PLPP3: variants seen among roughly 807,000 people sequenced by gnomAD.
PLPP3 encodes PAP2 beta.
In PLPP3, 6 loss-of-function variants were observed where a neutral mutation model predicts 29.6. The ratio of observed to expected loss-of-function variants is 0.20; its 90% CI spans 0.11 to 0.40. The LOEUF (loss-of-function observed/expected upper bound fraction) is 0.40, where lower values mean the gene tolerates loss of function less well. Among genes scored for constraint, PLPP3 ranks in the 10% least tolerant of loss-of-function variants. The pLI is 1.00. For missense variants in PLPP3, 308 were observed against 407.7 expected, an observed-to-expected ratio of 0.76 and a Z score of 2.11; for synonymous variants, 152 against 159.7, an observed-to-expected ratio of 0.95 and a Z score of 0.36.
At chr1:56,575,878 C>T (rs1217130236) in intron 1 of PLPP3, among the ~76,000 whole-genome samples, 2 of 152,112 alleles carry the variant, frequency 1.3e-5, no homozygotes, top group South Asian at 4.1e-4. Flanking sequence ...CTCCTGTAAC[C>T]CCATACACCA....
chr1:56,556,741 T>C (rs1226861228), intron 1 of PLPP3, among the ~76,000 whole-genome samples: 2 of 151,336 alleles, frequency 1.3e-5, no homozygotes, highest in African/African-American at 2.4e-5. Context: ...TAGGTGAATG[T>C]AGTGTGAAGT....
At chr1:56,544,800 A>T (rs1245526563) in intron 1 of PLPP3, among the ~76,000 whole-genome samples, 3 of 152,224 alleles carry the variant, frequency 2.0e-5, no homozygotes, top group Non-Finnish European at 2.9e-5. Flanking sequence ...GAAAGTGGAC[A>T]AGGGCAGAAA....
At position 56,523,862 on chromosome 1, in the gene PLPP3, G is replaced by T; in HGVS notation, c.594C>A (p.Gly198=). The change falls in exon 4 of 6, where the codon GGC becomes GGA. Residue 198 remains glycine, a synonymous_variant. Transcript: ENST00000371250. ...VQEARKSFFS[G]HASFSMYTML... ...TAGTGTACATGGAGAAGGAGGCATG[G>T]CCAGAGAAGAAGGACTTCCTGCAAG... 6.2e-7 allele frequency: 1 copy of T among 1,613,744 alleles called. No individual in the cohort carries two copies.
At chr1:56,562,668 C>T (rs1225994768) in intron 1 of PLPP3, among the ~76,000 whole-genome samples, 1 of 152,172 alleles carries the variant, frequency 6.6e-6, no homozygotes, top group South Asian at 2.1e-4. Flanking sequence ...AAAACATTTG[C>T]CCAAGGTCAC....
intron 5 of PLPP3, 38 bp from the exon 6 acceptor site, chr1:56,496,714 C>T (rs1483338314): frequency 4.3e-6 from 7 of 1,609,792 alleles, no homozygotes; most frequent in Admixed American, 1.7e-5. Context: ...CAGTAACTGA[C>T]ATCGGGGGTC....
At chr1:56,530,517 G>T (rs566219724) in intron 2 of PLPP3, among the ~76,000 whole-genome samples, 2 of 152,326 alleles carry the variant, frequency 1.3e-5, no homozygotes, top group East Asian at 3.9e-4. Context: ...TTCTGCTCAA[G>T]ATGCCACCAA....
At position 56,578,763 on chromosome 1, in the gene PLPP3, C is replaced by G; in HGVS notation, c.139+115G>C. On this transcript the variant is annotated intron_variant, in intron 1 of 5. Transcript: ENST00000371250. Reference sequence around the variant, plus strand: ...AGGCTCCCCAGGAAGGCTGCGGGGGCCCCCCGGAGCTGACGGCGCGGCGCG... The same window carrying G: ...AGGCTCCCCAGGAAGGCTGCGGGGGGCCCCCGGAGCTGACGGCGCGGCGCG... 7 of 1,125,338 alleles carry G rather than the reference C, an allele frequency of 6.2e-6. No homozygotes were observed. The East Asian group carries it at 1.1e-4, about 18-fold the overall frequency. 69.7% of individuals were successfully genotyped at this position (1,125,338 alleles called of 1,614,324 possible). A position where few individuals can be genotyped will look rare whatever the true frequency, so the allele number is the denominator to read the frequency against.
At chr1:56,576,129 T>C (rs542970607) in intron 1 of PLPP3, among the ~76,000 whole-genome samples, 4 of 152,246 alleles carry the variant, frequency 2.6e-5, no homozygotes, top group Admixed American at 6.5e-5. Flanking sequence ...TCTAAAAAGG[T>C]ATGTGAAACA....
chr1:56,524,129 C>A lies in PLPP3; in HGVS notation c.575+148G>T. 1 of 974,430 alleles carries A rather than the reference C, an allele frequency of 1.0e-6. No individual in the cohort carries two copies. The highest frequency in any genetic ancestry group is 1.5e-6 in the Non-Finnish European group (1 of 653,826). The allele number at this position is 974,430 out of a possible 1,614,324, so 60.4% of individuals were successfully genotyped here. The stretch of plus-strand genomic sequence containing the variant: ...ATATCGGAAGTATTGATTTACATAT[C>A]TGTCTCAATCATCTGACTGTGAGTT... On this transcript the variant is annotated intron_variant, in intron 3 of 5. Transcript: ENST00000371250. This position sits in a 1 kb window ranked among gnomAD's most constrained non-coding sequence, Gnocchi z 4.3.
At chr1:56,510,725 C>T (rs1289441199) in intron 5 of PLPP3, among the ~76,000 whole-genome samples, 1 of 152,234 alleles carries the variant, frequency 6.6e-6, no homozygotes, top group African/African-American at 2.4e-5. Context: ...GTTAGATCAA[C>T]TCATTGATTC....
intron 5 of PLPP3, among the ~76,000 whole-genome samples, chr1:56,504,298 C>T (rs1001542889): frequency 2.6e-5 from 4 of 152,142 alleles, no homozygotes; most frequent in Non-Finnish European, 4.4e-5. Flanking sequence ...GACCCGCCCC[C>T]GCCCTTTAAA....
chr1:56,497,803 A>G (rs1645640052), intron 5 of PLPP3, among the ~76,000 whole-genome samples: 1 of 152,206 alleles, frequency 6.6e-6, no homozygotes, highest in South Asian at 2.1e-4. Context: ...AGGGACTTGA[A>G]TTATTTGTTA....
At chr1:56,532,371 C>A (rs1645895393) in intron 2 of PLPP3, among the ~76,000 whole-genome samples, 1 of 151,928 alleles carries the variant, frequency 6.6e-6, no homozygotes, top group Non-Finnish European at 1.5e-5. Context: ...TGGGCCAGCA[C>A]AACTGCACAT....
chr1:56,542,571 CAT>C (rs1250713748), intron 1 of PLPP3, among the ~76,000 whole-genome samples: 5 of 152,036 alleles, frequency 3.3e-5, no homozygotes, highest in African/African-American at 1.2e-4. Flanking sequence ...CAAAACAATC[CAT>C]AGTCATTATA....
chr1:56,552,156 T>G (rs1320865020), intron 1 of PLPP3, among the ~76,000 whole-genome samples: 2 of 150,802 alleles, frequency 1.3e-5, no homozygotes, highest in Non-Finnish European at 2.9e-5. Context: ...CTCCTAAATG[T>G]AAAATTGGGG....
chr1:56,523,438 T>C (rs966469418), intron 4 of PLPP3, among the ~76,000 whole-genome samples: 2 of 152,172 alleles, frequency 1.3e-5, no homozygotes, highest in Non-Finnish European at 2.9e-5. Flanking sequence ...ATGTTATATT[T>C]AGGGTGGTGC....
intron 1 of PLPP3, among the ~76,000 whole-genome samples, chr1:56,545,117 A>T (rs1178375949): frequency 6.6e-6 from 1 of 152,262 alleles, no homozygotes; most frequent in East Asian, 1.9e-4. Flanking sequence ...TTACTTAGCC[A>T]TGTAACCCAC....
At chr1:56,563,170 T>C (rs769853974) in intron 1 of PLPP3, among the ~76,000 whole-genome samples, 4 of 152,292 alleles carry the variant, frequency 2.6e-5, no homozygotes, top group African/African-American at 4.8e-5. Context: ...AACTTTTCCA[T>C]GGGTCTGTGT....
At chr1:56,549,502 T>G (rs2100280878) in intron 1 of PLPP3, among the ~76,000 whole-genome samples, 1 of 152,334 alleles carries the variant, frequency 6.6e-6, no homozygotes, top group Admixed American at 6.5e-5. Flanking sequence ...ATGTGCAAAA[T>G]GAAAGGGCTG....
Sources: allele counts gnomAD v4.1 joint callset (sites outside exome capture counted in the v4.1 genomes callset), GRCh38; gene constraint gnomAD v4.1.1; non-coding constraint Gnocchi (gnomAD v3.1); transcripts MANE v1.5; gene names NCBI Gene and HGNC (gene_info 2026-07-23, HGNC 2026-07-21).